The following WWOX variants were observed in gnomAD, a reference collection of about 807,000 sequenced individuals.
The protein encoded by WWOX is WW domain containing oxidoreductase.
WWOX carries 69 observed loss-of-function variants against 46.2 expected under a neutral mutation model. The ratio of observed to expected loss-of-function variants is 1.49; its 90% CI spans 1.23 to 1.82. The LOEUF is 1.82. Among genes scored for constraint, WWOX ranks in the 40% most tolerant of loss-of-function variants. WWOX has a pLI of 0.00. For missense variants in WWOX, 919 were observed against 542.6 expected (o/e 1.69, Z -6.89); for synonymous variants, 359 against 202.6 (o/e 1.77, Z -6.56).
At chr16:78,244,309 A>C (rs1041376433) in intron 5 of WWOX, among the ~76,000 whole-genome samples, 1 of 152,174 alleles carries the variant, frequency 6.6e-6, no homozygotes, top group African/African-American at 2.4e-5. Context: ...AATGTTAGGG[A>C]TCATAGATGC....
rs1219921736 is a variant in WWOX at position 79,019,323 on chromosome 16, C to T, written c.1057-192285C>T. Among the ~76,000 whole-genome samples, 2 of 151,966 alleles carry T rather than the reference C, an allele frequency of 1.3e-5. 1 individual carries two copies. The highest frequency in any genetic ancestry group is 1.3e-4 in the Admixed American group (2 of 15,238). On this transcript the variant is annotated intron_variant, in intron 8 of 8. Coordinates refer to ENST00000566780, the MANE Select transcript of WWOX (RefSeq NM_016373.4). ...TGCACGTACACAAACCTAGATGGTG[C>T]CGTCTACTACACACACACTTAGGCT...
chr16:78,610,198 G>A (rs937103399), intron 8 of WWOX, among the ~76,000 whole-genome samples: 6 of 152,108 alleles, frequency 3.9e-5, no homozygotes, highest in African/African-American at 1.4e-4. Context: ...GGAGTACTTT[G>A]TGCGTTAATT....
chr16:78,194,188 A>G (rs1020274508), intron 5 of WWOX, among the ~76,000 whole-genome samples: 2 of 152,028 alleles, frequency 1.3e-5, no homozygotes, highest in African/African-American at 2.4e-5. Flanking sequence ...TTTTAAAACA[A>G]TATATGTCTC....
At position 78,949,115 on chromosome 16, in the gene WWOX, A is replaced by G. The variant is rs566972839; in HGVS notation, c.1057-262493A>G. ...GGAAAACGGGGACCTCAGTTCTGCA[A>G]CTGCATGGAGCTGAATTCTGCCAAT... On this transcript the variant is annotated intron_variant, in intron 8 of 8. Transcript: ENST00000566780. 2.6e-5 allele frequency among the ~76,000 whole-genome samples: 4 copies of G among 152,260 alleles called. No homozygotes were observed. The East Asian group carries it at 5.8e-4, about 22-fold the overall frequency.
intron 8 of WWOX, among the ~76,000 whole-genome samples, chr16:78,666,169 C>T (rs1006912779): frequency 1.3e-5 from 2 of 152,048 alleles, no homozygotes; most frequent in African/African-American, 4.8e-5. Flanking sequence ...CCACAGTAGT[C>T]CCAGCTACTC....
intron 5 of WWOX, among the ~76,000 whole-genome samples, chr16:78,224,518 T>C (rs1365882884): frequency 6.6e-6 from 1 of 152,212 alleles, no homozygotes; most frequent in African/African-American, 2.4e-5. Flanking sequence ...TTTTAATAGC[T>C]GCCCAATGTC....
chr16:78,681,021 G>T (rs1454034593), intron 8 of WWOX, among the ~76,000 whole-genome samples: 1 of 152,204 alleles, frequency 6.6e-6, no homozygotes, highest in Non-Finnish European at 1.5e-5. Flanking sequence ...GGCCGAGGTG[G>T]GCGCATTGCC....
intron 8 of WWOX, among the ~76,000 whole-genome samples, chr16:79,029,447 G>A (rs879537546): frequency 4.6e-5 from 7 of 152,200 alleles, no homozygotes; most frequent in African/African-American, 7.2e-5. Flanking sequence ...GTTCTGATGT[G>A]TGATAAATTT....
At chr16:78,972,506 A>G (rs1472668052) in intron 8 of WWOX, among the ~76,000 whole-genome samples, 2 of 152,014 alleles carry the variant, frequency 1.3e-5, no homozygotes, top group African/African-American at 4.8e-5. Flanking sequence ...GAAGCCGCCA[A>G]GAGAGGCTCA....
chr16:78,499,532 C>G lies in WWOX; in HGVS notation c.1056+66780C>G, dbSNP rs148749612. Among the ~76,000 whole-genome samples the G allele has an allele frequency of 6.7e-3, 1,018 of 152,350 alleles. 4 individuals carry two copies. The highest frequency in any genetic ancestry group is 0.016 in the African/African-American group (660 of 41,594). On this transcript the variant is annotated intron_variant, in intron 8 of 8. Coordinates refer to ENST00000566780, the MANE Select transcript of WWOX (RefSeq NM_016373.4). ...GCAGCGACTGCAGATTACTCATCAG[C>G]TGTCTCCTTGAGTCCACAATGCCGG...
At chr16:78,459,919 C>G (rs965453384) in intron 8 of WWOX, among the ~76,000 whole-genome samples, 1 of 151,752 alleles carries the variant, frequency 6.6e-6, no homozygotes, top group African/African-American at 2.4e-5. Context: ...ATCCTCCCAC[C>G]TCAGCCTCCC....
chr16:78,616,688 C>T (rs899251108), intron 8 of WWOX, among the ~76,000 whole-genome samples: 3 of 151,954 alleles, frequency 2.0e-5, no homozygotes, highest in African/African-American at 4.8e-5. Flanking sequence ...ATTGCTTGAA[C>T]CTGGGAGGCA....
At chr16:78,785,417 C>T (rs909776151) in intron 8 of WWOX, among the ~76,000 whole-genome samples, 2 of 152,200 alleles carry the variant, frequency 1.3e-5, no homozygotes, top group Non-Finnish European at 2.9e-5. Context: ...CAACACACAT[C>T]GGCAGCCAGT....
At chr16:78,742,664 T>C (rs1248711862) in intron 8 of WWOX, among the ~76,000 whole-genome samples, 1 of 152,168 alleles carries the variant, frequency 6.6e-6, no homozygotes. Context: ...TAAAACTGTT[T>C]ATGTCTGCGG....
chr16:78,109,329 A>G lies in WWOX; in HGVS notation c.173-449A>G, dbSNP rs534609814. On this transcript the variant is annotated intron_variant, in intron 2 of 8. Transcript: ENST00000566780. ...TAGTGAGACCCCATCTCAAAAAAAAATATGAGAAGGTTCCTGCCCTTAAGA... is the reference window on the plus strand; with the variant it reads ...TAGTGAGACCCCATCTCAAAAAAAAGTATGAGAAGGTTCCTGCCCTTAAGA... Among the ~76,000 whole-genome samples, 4 of 152,222 alleles carry G rather than the reference A, an allele frequency of 2.6e-5. No homozygotes were observed. The East Asian group carries it at 7.7e-4, about 29-fold the overall frequency.
In WWOX at chr16:79,211,302, C is replaced by G. The variant is rs150175694; in HGVS notation, c.1057-306C>G. Among the ~76,000 whole-genome samples the G allele has an allele frequency of 6.4e-4, 97 of 152,268 alleles. 1 individual carries two copies. Among genetic ancestry groups the G allele is most frequent in the Admixed American group, 2.0e-3 (31 of 15,294 alleles). On this transcript the variant is annotated intron_variant, in intron 8 of 8. Transcript: ENST00000566780. ...GTTCAGAAGGATACCATCTTTTTCT[C>G]TGTGTGGAAGAGGCGCCTGCCACGA... is the stretch of plus-strand genomic sequence containing the variant.
chr16:78,319,020 G>C (rs1197109518), intron 5 of WWOX, among the ~76,000 whole-genome samples: 1 of 152,190 alleles, frequency 6.6e-6, no homozygotes, highest in East Asian at 1.9e-4. Context: ...ATCCTGCGAA[G>C]TTAAAATCAG....
chr16:78,458,391 G>C (rs2083876044), intron 8 of WWOX, among the ~76,000 whole-genome samples: 1 of 151,564 alleles, frequency 6.6e-6, no homozygotes, highest in East Asian at 1.9e-4. Context: ...CTCCCAAGTA[G>C]CTGGGACTAT....
chr16:78,490,694 G>T (rs1302211699), intron 8 of WWOX, among the ~76,000 whole-genome samples: 3 of 152,164 alleles, frequency 2.0e-5, no homozygotes, highest in East Asian at 3.9e-4. Context: ...TTGGCCCTCA[G>T]TTCTCCGTCC....
Sources: allele counts gnomAD v4.1 joint callset (sites outside exome capture counted in the v4.1 genomes callset), GRCh38; gene constraint gnomAD v4.1.1; transcripts MANE v1.5; gene names NCBI Gene and HGNC (gene_info 2026-07-23, HGNC 2026-07-21).